The following CCSER2 variants were observed in gnomAD, a reference collection of about 807,000 sequenced individuals.
CCSER2 encodes the protein coiled-coil serine rich protein 2, also known as serine-rich coiled-coil domain-containing protein 2.
CCSER2 carries 46 observed loss-of-function variants against 92.3 expected under a neutral mutation model. That is an observed-to-expected ratio of 0.50 (90% confidence interval 0.39 to 0.64). The LOEUF (loss-of-function observed/expected upper bound fraction) is 0.64. Among genes scored for constraint, CCSER2 ranks in the 30% least tolerant of loss-of-function variants. The pLI, the probability that CCSER2 is intolerant of heterozygous loss-of-function variation, is 0.00. For synonymous variants in CCSER2, 433 were observed against 431.4 expected (o/e 1.00, Z -0.04); for missense variants, 1,244 against 1,238.9 (o/e 1.00, Z -0.06).
chr10:84,476,435 C>CTCT (rs1554859802), intron 8 of CCSER2, among the ~76,000 whole-genome samples: 3 of 58,510 alleles, frequency 5.1e-5, no homozygotes, highest in East Asian at 1.3e-3. Context: ...AATTCTCTCT[C>CTCT]TTTTTTTTTT....
chr10:84,333,408 A>G (rs1042301876), intron 1 of CCSER2, among the ~76,000 whole-genome samples: 3 of 152,236 alleles, frequency 2.0e-5, no homozygotes, highest in Admixed American at 6.5e-5. Context: ...TTTTGTGGAT[A>G]TGAAAATATA....
At chr10:84,332,520 C>T (rs916044867) in intron 1 of CCSER2, among the ~76,000 whole-genome samples, 6 of 142,732 alleles carry the variant, frequency 4.2e-5, no homozygotes, top group Non-Finnish European at 6.0e-5. Flanking sequence ...CTCACTGCAA[C>T]CTCTGCCTCC....
chr10:84,470,013 A>ATT lies in CCSER2; in HGVS notation c.2149-336_2149-335dup, dbSNP rs67106487. Among the ~76,000 whole-genome samples the ATT allele has an allele frequency of 4.8e-4, 46 of 96,512 alleles. No individual in the cohort carries two copies. In the East Asian group the frequency reaches 5.1e-3, roughly 11 times the overall value. 63.3% of individuals were successfully genotyped at this position (96,512 alleles called of 152,430 possible). Reference sequence around the variant, plus strand: ...AGCTGAAGTTGCTTTTTTGTATGTGATTTTTTTTTTTTTTTTTTTTTTTTA... The same window carrying ATT: ...AGCTGAAGTTGCTTTTTTGTATGTGATTTTTTTTTTTTTTTTTTTTTTTTTTA... On this transcript the variant is annotated intron_variant, in intron 7 of 9. Coordinates refer to ENST00000372088, the MANE Select transcript of CCSER2 (RefSeq NM_001284240.2).
At chr10:84,328,988 A>T (rs1041251861) in intron 1 of CCSER2, among the ~76,000 whole-genome samples, 180 bp downstream of exon 1, 16 of 151,606 alleles carry the variant, frequency 1.1e-4, no homozygotes, top group Non-Finnish European at 1.8e-4. Context: ...GAGCCGCCGG[A>T]CGCGGGGCGG....
chr10:84,460,226 A>ACT (rs1366624628), intron 6 of CCSER2, among the ~76,000 whole-genome samples: 1 of 143,264 alleles, frequency 7.0e-6, no homozygotes, highest in African/African-American at 2.6e-5. Flanking sequence ...AGTAGCTGGG[A>ACT]CTATGGGCAT....
chr10:84,345,560 C>T (rs966828357), intron 1 of CCSER2, among the ~76,000 whole-genome samples: 2 of 152,116 alleles, frequency 1.3e-5, no homozygotes, highest in African/African-American at 4.8e-5. Context: ...TGAAAAACTG[C>T]CCTTTCCCAG....
rs549844869 is a variant in CCSER2 at position 84,429,070 on chromosome 10, CCTTGT to C, written c.1868+3183_1868+3187del. ...TGTTTTGTTTTTCTTCTTGAGATAT[CCTTGT>C]CTTGTTTTGATATCAGGACCACACA... On this transcript the variant is annotated intron_variant, in intron 5 of 9. Coordinates refer to ENST00000372088, the MANE Select transcript of CCSER2 (RefSeq NM_001284240.2). Among the ~76,000 whole-genome samples the C allele has an allele frequency of 1.8e-4, 27 of 148,252 alleles. No homozygotes were observed. In the South Asian group the frequency reaches 4.0e-3, roughly 22 times the overall value.
intron 5 of CCSER2, among the ~76,000 whole-genome samples, chr10:84,436,983 G>A (rs1012111035): frequency 6.6e-6 from 1 of 152,084 alleles, no homozygotes; most frequent in African/African-American, 2.4e-5. Flanking sequence ...CACATTTAAT[G>A]CATTATGAAT....
intron 1 of CCSER2, among the ~76,000 whole-genome samples, chr10:84,365,267 A>G (rs1179685022): frequency 1.3e-5 from 2 of 152,150 alleles, no homozygotes; most frequent in Non-Finnish European, 2.9e-5. Context: ...TAATGAATGG[A>G]TTTTTTAGAC....
chr10:84,461,737 A>G (rs1161127515), intron 6 of CCSER2, among the ~76,000 whole-genome samples: 1 of 151,382 alleles, frequency 6.6e-6, no homozygotes, highest in Non-Finnish European at 1.5e-5. Context: ...TTTTAATAAC[A>G]GCTCTGTTAA....
At chr10:84,341,595 C>G (rs1844190853) in intron 1 of CCSER2, among the ~76,000 whole-genome samples, 1 of 151,820 alleles carries the variant, frequency 6.6e-6, no homozygotes, top group South Asian at 2.1e-4. Context: ...TGATTTAGTT[C>G]CAATCTAACA....
intron 1 of CCSER2, among the ~76,000 whole-genome samples, chr10:84,355,491 C>T (rs1362596787): frequency 6.6e-6 from 1 of 152,176 alleles, no homozygotes; most frequent in Non-Finnish European, 1.5e-5. Flanking sequence ...ATCCCTCTCT[C>T]CCAGTTAAGC....
chr10:84,503,169 C>T (rs747610979), intron 9 of CCSER2, among the ~76,000 whole-genome samples: 1 of 151,886 alleles, frequency 6.6e-6, no homozygotes, highest in South Asian at 2.1e-4. Flanking sequence ...CGGAGCTTGC[C>T]GTGAGCCAGA....
intron 3 of CCSER2, among the ~76,000 whole-genome samples, chr10:84,409,202 G>A (rs1226435059): frequency 2.0e-5 from 3 of 151,962 alleles, no homozygotes; most frequent in Non-Finnish European, 4.4e-5. Context: ...TGTTGGCCAG[G>A]GTGGTCTTGA....
intron 5 of CCSER2, among the ~76,000 whole-genome samples, chr10:84,426,824 G>A (rs571500375): frequency 3.3e-5 from 5 of 152,274 alleles, no homozygotes; most frequent in African/African-American, 7.2e-5. Flanking sequence ...TATACAGTAC[G>A]CATAAGATAA....
Position 84,371,196 on chromosome 10 carries a change from A to G in CCSER2, c.144A>G (p.Lys48=). ...LLGTSKNSNV[K]SYIKNNGSDC... is the part of the protein sequence containing the mutation. ...GAACTTCCAAGAATAGTAATGTCAA[A>G]AGTTACATCAAAAATAATGGCTCTG... is the stretch of plus-strand genomic sequence containing the variant. Residue 48 remains lysine (K), a synonymous_variant, in exon 2 of 10, where the codon AAA becomes AAG. Transcript: ENST00000372088. 1 of 1,613,412 alleles carries G rather than the reference A, an allele frequency of 6.2e-7. No homozygotes were observed.
At chr10:84,460,735 A>G (rs1846057442) in intron 6 of CCSER2, among the ~76,000 whole-genome samples, 1 of 152,074 alleles carries the variant, frequency 6.6e-6, no homozygotes. Context: ...TTGCCACTTC[A>G]CATAAGTTGT....
intron 5 of CCSER2, among the ~76,000 whole-genome samples, chr10:84,430,615 T>C (rs1589643731): frequency 6.6e-6 from 1 of 152,164 alleles, no homozygotes; most frequent in Non-Finnish European, 1.5e-5. Flanking sequence ...ACCCATTTTG[T>C]CCCCCAATCT....
intron 5 of CCSER2, among the ~76,000 whole-genome samples, chr10:84,436,972 G>C (rs1239395417): frequency 6.6e-6 from 1 of 152,092 alleles, no homozygotes; most frequent in African/African-American, 2.4e-5. Context: ...TGGAATTTTT[G>C]CACATTTAAT....
Sources: allele counts gnomAD v4.1 joint callset (sites outside exome capture counted in the v4.1 genomes callset), GRCh38; gene constraint gnomAD v4.1.1; transcripts MANE v1.5; gene names NCBI Gene and HGNC (gene_info 2026-07-23, HGNC 2026-07-21).